Variants in CNOT4 observed in about 807,000 individuals in gnomAD.
The protein encoded by CNOT4 is CCR4-associated factor 4.
CNOT4 carries 8 observed loss-of-function variants against 73.8 expected under a neutral mutation model. The ratio of observed to expected loss-of-function variants is 0.11; its 90% CI spans 0.06 to 0.20. CNOT4 has a LOEUF of 0.20. CNOT4 is among the 10% of genes least tolerant of loss of function. The pLI, the probability that CNOT4 is intolerant of heterozygous loss-of-function variation, is 1.00. For synonymous variants in CNOT4, 293 were observed against 321.1 expected, an observed-to-expected ratio of 0.91 and a Z score of 0.94; for missense variants, 564 against 883.4, an observed-to-expected ratio of 0.64 and a Z score of 4.58.
chr7:135,394,016 T>A lies in CNOT4; in HGVS notation c.1529A>T (p.His510Leu). 1 of 1,614,186 alleles carries A rather than the reference T, an allele frequency of 6.2e-7. No individual in the cohort carries two copies. Among genetic ancestry groups the A allele is most frequent in the Non-Finnish European group, 8.5e-7 (1 of 1,180,004 alleles). Residue 510 changes from histidine to leucine, a missense_variant, in exon 10 of 12, where the codon CAC becomes CTC. Physicochemically the swap from His to Leu is moderately conservative, Grantham distance 99 (BLOSUM62 -3). This residue lies in a region of CNOT4 where 153 missense variants were observed against 158.7 expected (regional missense o/e 0.96). Transcript: ENST00000541284. ...GGTGGGGTTTGCTGTGTGGTTCAAG[T>A]GCATGATGCTATTGCGTGGAAAGGC... ...WMAFPRNSIM[H>L]LNHTANPTSN...
chr7:135,475,905 T>C (rs770993855), intron 1 of CNOT4, among the ~76,000 whole-genome samples: 5 of 152,130 alleles, frequency 3.3e-5, no homozygotes, highest in Non-Finnish European at 5.9e-5. Context: ...AGTAAGACCC[T>C]GTCTCAATAA....
chr7:135,389,355 A>G (rs1317005246), intron 10 of CNOT4, among the ~76,000 whole-genome samples: 2 of 150,964 alleles, frequency 1.3e-5, no homozygotes, highest in Admixed American at 6.6e-5. Context: ...TATGTACTAG[A>G]AAAAAATGAA....
intron 2 of CNOT4, 73 bp from the exon 3 acceptor site, chr7:135,422,426 C>A: frequency 1.3e-6 from 1 of 744,628 alleles, no homozygotes; most frequent in Non-Finnish European, 2.4e-6. Flanking sequence ...TTATCTGATT[C>A]TTGGTGGTGG....
chr7:135,471,964 G>A (rs1801608547), intron 1 of CNOT4, among the ~76,000 whole-genome samples: 1 of 151,186 alleles, frequency 6.6e-6, no homozygotes, highest in Non-Finnish European at 1.5e-5. Flanking sequence ...CTTGAGCTCA[G>A]GAGTTCCAGA....
intron 1 of CNOT4, among the ~76,000 whole-genome samples, chr7:135,498,336 T>C (rs943522146): frequency 6.6e-5 from 10 of 152,174 alleles, no homozygotes; most frequent in Non-Finnish European, 1.5e-4. Context: ...TAATAGTATA[T>C]AATAAAAACC....
intron 1 of CNOT4, among the ~76,000 whole-genome samples, chr7:135,462,441 G>A (rs1800933994): frequency 1.3e-5 from 2 of 152,086 alleles, no homozygotes; most frequent in African/African-American, 4.8e-5. Flanking sequence ...AGAGAAAAGG[G>A]GATAGGAGGG....
intron 1 of CNOT4, among the ~76,000 whole-genome samples, chr7:135,476,242 A>G (rs1585704859): frequency 6.6e-6 from 1 of 152,140 alleles, no homozygotes; most frequent in African/African-American, 2.4e-5. Context: ...ACAGATATAT[A>G]ACCATGAGAA....
At chr7:135,399,691 G>T (rs1460228817) in intron 7 of CNOT4, among the ~76,000 whole-genome samples, 1 of 151,894 alleles carries the variant, frequency 6.6e-6, no homozygotes, top group African/African-American at 2.4e-5. Context: ...ATCTAACAAG[G>T]GTTAGTACCC....
intron 1 of CNOT4, among the ~76,000 whole-genome samples, chr7:135,470,509 T>C (rs879671610): frequency 1.3e-5 from 2 of 151,792 alleles, no homozygotes; most frequent in Admixed American, 6.6e-5. Flanking sequence ...AGTGAGCTGG[T>C]TGCAGTGAGC....
chr7:135,441,925 T>C (rs1799502610), intron 1 of CNOT4, among the ~76,000 whole-genome samples: 1 of 152,154 alleles, frequency 6.6e-6, no homozygotes, highest in Non-Finnish European at 1.5e-5. Flanking sequence ...TGTGCACCTC[T>C]AGCACCATGG....
chr7:135,396,067 A>G (rs1218026878), intron 8 of CNOT4, among the ~76,000 whole-genome samples, 184 bp from the exon 9 acceptor site: 1 of 151,744 alleles, frequency 6.6e-6, no homozygotes, highest in Non-Finnish European at 1.5e-5. Context: ...ATACTCTTTA[A>G]AAAAATATTA....
intron 1 of CNOT4, among the ~76,000 whole-genome samples, chr7:135,484,346 A>G (rs893943112): frequency 3.9e-4 from 59 of 152,196 alleles, no homozygotes; most frequent in Admixed American, 7.2e-4. Context: ...CAAACAGACT[A>G]GAACAGAAGA....
intron 7 of CNOT4, among the ~76,000 whole-genome samples, chr7:135,410,013 A>G (rs10279987): frequency 0.12 from 17,527 of 152,062 alleles, 1,192 homozygotes; most frequent in African/African-American, 0.18. Context: ...CTCCTAAGAT[A>G]AGTAAGATTC....
Position 135,455,905 on chromosome 7 carries a change from G to A in CNOT4, c.-92-17482C>T, listed in dbSNP as rs968358308. On this transcript the variant is annotated intron_variant, in intron 1 of 11. Transcript: ENST00000541284. The stretch of plus-strand genomic sequence containing the variant: ...ACAAAAAAGACTAAAACATATAAGC[G>A]TGTTAATATCTGAGAACAGAATATT... Among the ~76,000 whole-genome samples the A allele has an allele frequency of 7.2e-5, 11 of 152,088 alleles. No individual in the cohort carries two copies. The East Asian group carries it at 1.2e-3, about 16-fold the overall frequency.
intron 7 of CNOT4, among the ~76,000 whole-genome samples, chr7:135,405,981 T>C (rs1487369781): frequency 6.6e-6 from 1 of 152,178 alleles, no homozygotes; most frequent in Non-Finnish European, 1.5e-5. Flanking sequence ...GAGTTTCTTT[T>C]TTTCCTAGAA....
At chr7:135,471,259 G>A (rs1220058644) in intron 1 of CNOT4, among the ~76,000 whole-genome samples, 1 of 151,530 alleles carries the variant, frequency 6.6e-6, no homozygotes, top group Non-Finnish European at 1.5e-5. Flanking sequence ...ACAGAGATAA[G>A]AGATTCTGAT....
chr7:135,453,826 T>TTATATATATTA (rs1800337627), intron 1 of CNOT4, among the ~76,000 whole-genome samples: 1 of 89,902 alleles, frequency 1.1e-5, no homozygotes, highest in Non-Finnish European at 2.3e-5. Flanking sequence ...TATATATATT[T>TTATATATATTA]TATATATATA....
At chr7:135,431,319 T>C (rs1367935949) in intron 2 of CNOT4, among the ~76,000 whole-genome samples, 1 of 152,228 alleles carries the variant, frequency 6.6e-6, no homozygotes, top group Non-Finnish European at 1.5e-5. Flanking sequence ...AACTGTCTTT[T>C]TGCATAGAAC....
intron 1 of CNOT4, among the ~76,000 whole-genome samples, chr7:135,478,030 T>C (rs916175994): frequency 7.2e-5 from 11 of 152,156 alleles, no homozygotes; most frequent in Non-Finnish European, 1.5e-4. Context: ...TGGTGTTATC[T>C]GTTTATAAAT....
Sources: allele counts gnomAD v4.1 joint callset (sites outside exome capture counted in the v4.1 genomes callset), GRCh38; gene constraint gnomAD v4.1.1; regional missense constraint gnomAD v4.1.1; transcripts MANE v1.5; gene names NCBI Gene and HGNC (gene_info 2026-07-23, HGNC 2026-07-21).